HSP90AA1: variants seen among roughly 807,000 people sequenced by gnomAD.
The protein encoded by HSP90AA1 is heat shock protein HSP 90-alpha.
In HSP90AA1, 18 loss-of-function variants were observed where a neutral mutation model predicts 73.3. That is an observed-to-expected ratio of 0.25 (90% CI 0.17 to 0.36). HSP90AA1 has a LOEUF of 0.36. HSP90AA1 is among the 10% of genes least tolerant of loss of function. The probability of loss-of-function intolerance (pLI) is 1.00; values close to 1 mark genes in which losing one functional copy is unlikely to be tolerated. For synonymous variants in HSP90AA1, 477 were observed against 296.9 expected (o/e 1.61, Z -6.24); for missense variants, 704 against 874.2 (o/e 0.81, Z 2.45).
intron 1 of HSP90AA1, among the ~76,000 whole-genome samples, chr14:102,133,018 G>A (rs989243261): frequency 1.3e-5 from 2 of 151,698 alleles, no homozygotes; most frequent in African/African-American, 2.4e-5. Context: ...AGTGGCTCAC[G>A]CCTGTAATCC....
chr14:102,081,655 T>C lies in HSP90AA1; in HGVS notation c.*57A>G, dbSNP rs1477608573. Reference sequence around the variant, plus strand: ...AAATAAAGAAAAACATCCTTGAAAATATATTATCAGAGGAATTGTAGAGTA... The same window carrying C: ...AAATAAAGAAAAACATCCTTGAAAACATATTATCAGAGGAATTGTAGAGTA... On this transcript the variant is annotated 3_prime_UTR_variant, in exon 11 of 11. Coordinates refer to ENST00000216281, the MANE Select transcript of HSP90AA1 (RefSeq NM_005348.4). The C allele has an allele frequency of 1.8e-5, 15 of 825,404 alleles. 1 individual carries two copies. The South Asian group carries it at 1.9e-4, about 10-fold the overall frequency. 51.1% of individuals were successfully genotyped at this position (825,404 alleles called of 1,614,324 possible). A position where few individuals can be genotyped will look rare whatever the true frequency, so the allele number is the denominator to read the frequency against.
intron 1 of HSP90AA1, among the ~76,000 whole-genome samples, chr14:102,131,580 C>T (rs112955149): frequency 0.02 from 3,103 of 152,348 alleles, 48 homozygotes; most frequent in Middle Eastern, 0.058. Context: ...ACTTCCGCCT[C>T]GGGGTCTCTG....
At chr14:102,086,720 G>A (rs1277212990) in intron 1 of HSP90AA1, among the ~76,000 whole-genome samples, 1 of 150,798 alleles carries the variant, frequency 6.6e-6, no homozygotes, top group African/African-American at 2.4e-5. Context: ...GACCCCCGCG[G>A]CGGGGCCGCT....
chr14:102,122,915 G>A lies in HSP90AA1; in HGVS notation c.155+16335C>T, dbSNP rs371701794. Among the ~76,000 whole-genome samples the A allele has an allele frequency of 1.1e-4, 17 of 151,270 alleles. No homozygotes were observed. In the East Asian group the frequency reaches 1.2e-3, roughly 11 times the overall value. Reference sequence around the variant, plus strand: ...ACTCCTGACCTCAGGTGATCCACCCGCCTCAGCCTCCCTAAGTGCTGGGAT... The same window carrying A: ...ACTCCTGACCTCAGGTGATCCACCCACCTCAGCCTCCCTAAGTGCTGGGAT... On this transcript the variant is annotated intron_variant, in intron 1 of 11. Coordinates refer to the HSP90AA1 transcript ENST00000334701.
intron 1 of HSP90AA1, among the ~76,000 whole-genome samples, chr14:102,115,461 A>T (rs1215350558): frequency 6.6e-6 from 1 of 152,220 alleles, no homozygotes; most frequent in Non-Finnish European, 1.5e-5. Flanking sequence ...AAGAGTACGT[A>T]CATTTTAGAT....
intron 1 of HSP90AA1, among the ~76,000 whole-genome samples, chr14:102,119,715 C>T (rs1032037459): frequency 3.9e-5 from 6 of 152,210 alleles, no homozygotes; most frequent in Admixed American, 6.5e-5. Flanking sequence ...TCTCGATCTC[C>T]TGACCTTGTG....
chr14:102,105,221 A>C (rs2049550494), intron 1 of HSP90AA1, among the ~76,000 whole-genome samples: 1 of 146,618 alleles, frequency 6.8e-6, no homozygotes, highest in African/African-American at 2.5e-5. Flanking sequence ...AAAAAAAACA[A>C]AAAAAAAACC....
chr14:102,107,740 C>T (rs1407393385), intron 1 of HSP90AA1, among the ~76,000 whole-genome samples: 1 of 151,984 alleles, frequency 6.6e-6, no homozygotes, highest in Non-Finnish European at 1.5e-5. Flanking sequence ...TTCTGGAGAG[C>T]CACCTAGCAG....
intron 1 of HSP90AA1, among the ~76,000 whole-genome samples, chr14:102,137,736 A>C (rs1254615517): frequency 1.3e-5 from 2 of 151,962 alleles, no homozygotes; most frequent in Admixed American, 1.3e-4. Context: ...TATGCATGGG[A>C]CTGGGCACTG....
intron 1 of HSP90AA1, among the ~76,000 whole-genome samples, chr14:102,127,958 TA>T (rs1368532543): frequency 6.6e-6 from 1 of 152,164 alleles, no homozygotes; most frequent in Non-Finnish European, 1.5e-5. Context: ...GTTTTGTTTT[TA>T]ATTGGAGAAA....
intron 9 of HSP90AA1, chr14:102,082,679 G>A: frequency 1.8e-6 from 1 of 551,012 alleles, no homozygotes; most frequent in East Asian, 3.3e-5. Flanking sequence ...GGAGTGCAGT[G>A]GTGCGATCTT....
chr14:102,109,389 G>C (rs968245658), intron 1 of HSP90AA1, among the ~76,000 whole-genome samples: 1 of 152,182 alleles, frequency 6.6e-6, no homozygotes, highest in African/African-American at 2.4e-5. Flanking sequence ...GAGGGAGCTG[G>C]TGGGAGGTAA....
chr14:102,126,554 C>G (rs1282267577), intron 1 of HSP90AA1, among the ~76,000 whole-genome samples: 4 of 151,762 alleles, frequency 2.6e-5, no homozygotes, highest in African/African-American at 9.7e-5. Context: ...GAGACGGAGT[C>G]TCGCTCTGTT....
intron 1 of HSP90AA1, among the ~76,000 whole-genome samples, chr14:102,125,276 G>A (rs1450260166): frequency 6.6e-6 from 1 of 152,216 alleles, no homozygotes; most frequent in Non-Finnish European, 1.5e-5. Flanking sequence ...TTACAGGCAT[G>A]AGCCACTGTG....
At chr14:102,139,530 C>T in exon 1 of HSP90AA1, 1 of 994,926 alleles carries the variant, frequency 1.0e-6, no homozygotes, top group Non-Finnish European at 1.4e-6. Context: ...TGAGGAGGCA[C>T]CCTCAAGTTC....
chr14:102,082,569 T>C (rs906320755), intron 9 of HSP90AA1, 125 bp from the exon 10 acceptor site: 1 of 744,236 alleles, frequency 1.3e-6, no homozygotes, highest in Admixed American at 2.2e-5. Flanking sequence ...AAATACAACT[T>C]AAATGTCGCA....
chr14:102,124,626 A>T (rs1212786506), intron 1 of HSP90AA1, among the ~76,000 whole-genome samples: 2 of 149,082 alleles, frequency 1.3e-5, no homozygotes, highest in Non-Finnish European at 3.0e-5. Flanking sequence ...GTAAACTTGA[A>T]CTCCTGGCCT....
chr14:102,122,760 T>C (rs1031727805), intron 1 of HSP90AA1, among the ~76,000 whole-genome samples: 2 of 151,648 alleles, frequency 1.3e-5, no homozygotes, highest in Admixed American at 6.6e-5. Context: ...CTCTGCCTCC[T>C]GGGTTCGAGC....
intron 1 of HSP90AA1, among the ~76,000 whole-genome samples, chr14:102,111,896 G>A (rs1158044201): frequency 6.6e-6 from 1 of 152,208 alleles, no homozygotes; most frequent in Non-Finnish European, 1.5e-5. Flanking sequence ...GTGTTTACAA[G>A]TCAAGCTATT....
Sources: gnomAD v4.1 joint callset for allele counts (sites outside exome capture counted in the v4.1 genomes callset) on GRCh38, gnomAD v4.1.1 for gene constraint, MANE v1.5 for transcripts, NCBI Gene and HGNC (gene_info 2026-07-23, HGNC 2026-07-21) for gene names.